The following SLC26A5 variants were observed in gnomAD, a reference collection of about 807,000 sequenced individuals.
The protein encoded by SLC26A5 is solute carrier family 26 member 5, also known as prestin.
SLC26A5 carries 51 observed loss-of-function variants against 81.0 expected under a neutral mutation model. The ratio of observed to expected loss-of-function variants is 0.63; its 90% CI spans 0.50 to 0.80. SLC26A5 has a LOEUF of 0.80. SLC26A5 is among the 30% of genes least tolerant of loss of function. The probability of loss-of-function intolerance (pLI) is 0.00; values close to 1 mark genes in which losing one functional copy is unlikely to be tolerated. For missense variants in SLC26A5, 771 were observed against 905.8 expected, an observed-to-expected ratio of 0.85 and a Z score of 1.91; for synonymous variants, 325 against 332.8, an observed-to-expected ratio of 0.98 and a Z score of 0.25.
At chr7:103,420,717 A>T (rs572986263) in intron 4 of SLC26A5, 21 bp downstream of exon 4, 3 of 1,613,336 alleles carry the variant, frequency 1.9e-6, no homozygotes, top group Non-Finnish European at 1.7e-6. Context: ...CAAGGGGGGA[A>T]AGAAAGAAAG....
chr7:103,387,973 T>C (rs968535190), intron 14 of SLC26A5, among the ~76,000 whole-genome samples: 1 of 152,120 alleles, frequency 6.6e-6, no homozygotes, highest in African/African-American at 2.4e-5. Flanking sequence ...AGAGTCACTG[T>C]GCCTGGCCAG....
intron 4 of SLC26A5, 139 bp from the exon 5 acceptor site, chr7:103,413,251 C>T: frequency 1.5e-6 from 1 of 688,944 alleles, no homozygotes. Flanking sequence ...CTACCCCAGT[C>T]CTGCACATCA....
chr7:103,370,607 C>A (rs529995684), downstream of SLC26A5, among the ~76,000 whole-genome samples: 1 of 152,302 alleles, frequency 6.6e-6, no homozygotes, highest in East Asian at 1.9e-4. Context: ...ACAAAATGAG[C>A]TATTCCAGGG....
chr7:103,390,428 C>G lies in SLC26A5; in HGVS notation c.1311+1G>C. On this transcript the variant is annotated splice_donor_variant, in intron 12 of 19. Transcript: ENST00000306312. LOFTEE classifies it high-confidence loss of function. ...TTCACCCAAGTCCACATTACACACA[C>G]CTGGGGCAATGATTCAAAGAGGAAT... The G allele has an allele frequency of 6.2e-7, 1 of 1,613,830 alleles. No individual in the cohort carries two copies. The highest frequency in any genetic ancestry group is 1.1e-5 in the South Asian group (1 of 91,074).
At chr7:103,380,426 A>T (rs891203676) in intron 15 of SLC26A5, 54 bp downstream of exon 15, 2 of 1,444,008 alleles carry the variant, frequency 1.4e-6, no homozygotes, top group Non-Finnish European at 2.0e-6. Flanking sequence ...AACAGTACTT[A>T]GCCAAGCACA....
At chr7:103,372,879 T>TAAA (rs5886252), downstream of SLC26A5, among the ~76,000 whole-genome samples, 529 of 142,564 alleles carry the variant, frequency 3.7e-3, 1 homozygote, top group African/African-American at 0.013. Context: ...AAGGGAAATC[T>TAAA]AAAAAAAAAA....
At chr7:103,381,047 CTCA>C (rs1048351166) in intron 14 of SLC26A5, among the ~76,000 whole-genome samples, 31 of 150,632 alleles carry the variant, frequency 2.1e-4, no homozygotes, top group Non-Finnish European at 1.2e-4. Context: ...ACATACATAC[CTCA>C]TATCACACAC....
At chr7:103,419,695 G>A (rs1473454862) in intron 4 of SLC26A5, among the ~76,000 whole-genome samples, 1 of 151,964 alleles carries the variant, frequency 6.6e-6, no homozygotes, top group Non-Finnish European at 1.5e-5. Flanking sequence ...ATGCCACCAT[G>A]CCTGGCTAAT....
intron 2 of SLC26A5, among the ~76,000 whole-genome samples, chr7:103,438,730 T>C (rs975946685): frequency 6.6e-6 from 1 of 152,194 alleles, no homozygotes; most frequent in South Asian, 2.1e-4. Context: ...CATTTCAGAC[T>C]ACTAGAAATA....
rs151325493 is a variant in SLC26A5, at chr7:103,421,542, C to T, written c.-28G>A. 5.8e-4 allele frequency: 933 copies of T among 1,612,456 alleles called. 2 individuals are homozygous for T. The highest frequency in any genetic ancestry group is 7.4e-4 in the Non-Finnish European group (868 of 1,179,158). On this transcript the variant is annotated 5_prime_UTR_variant, in exon 3 of 20. Transcript: ENST00000306312. ...TACTCTGAAATTATTCCTTAACAGC[C>T]GGAGACAAGCATTTCCTGAGTGTCA...
chr7:103,378,653 G>A, intron 16 of SLC26A5, 100 bp from the exon 17 acceptor site: 1 of 1,055,292 alleles, frequency 9.5e-7, no homozygotes, highest in Non-Finnish European at 1.5e-6. Flanking sequence ...TGCTTTCTGG[G>A]TCAGATTATC....
rs895370926 is a variant in SLC26A5 at position 103,446,143 on chromosome 7, CCGCTGCCTCTTCGACGCGCG to C, written c.-248_-229del. ...GGAGCCGCCCCGCCGCGCTCCACAG[CCGCTGCCTCTTCGACGCGCG>C]CGCTGCCTCCAGGTGCGGCTCTAGG... On this transcript the variant is annotated 5_prime_UTR_variant, in exon 1 of 20. Coordinates refer to ENST00000306312, the MANE Select transcript of SLC26A5 (RefSeq NM_198999.3). The C allele has an allele frequency of 6.6e-6, 1 of 151,408 alleles. No individual in the cohort carries two copies. Among genetic ancestry groups the C allele is most frequent in the African/African-American group, 2.4e-5 (1 of 41,334 alleles). The allele number at this position is 151,408 out of a possible 1,614,324, so 9.4% of individuals were successfully genotyped here. A position where few individuals can be genotyped will look rare whatever the true frequency, so the allele number is the denominator to read the frequency against.
At chr7:103,359,609 A>G (rs1820259646) in intron 19 of SLC26A5, among the ~76,000 whole-genome samples, 1 of 152,188 alleles carries the variant, frequency 6.6e-6, no homozygotes, top group Non-Finnish European at 1.5e-5. Context: ...TTCACTTAGC[A>G]TATTTCAAGG....
intron 7 of SLC26A5, 77 bp from the exon 8 acceptor site, chr7:103,408,080 T>C: frequency 1.3e-6 from 2 of 1,568,364 alleles, no homozygotes; most frequent in Non-Finnish European, 1.8e-6. Flanking sequence ...AGCGCACTAA[T>C]TCACACCAGC....
chr7:103,429,065 C>T (rs1825890714), intron 2 of SLC26A5, among the ~76,000 whole-genome samples: 1 of 152,122 alleles, frequency 6.6e-6, no homozygotes, highest in Non-Finnish European at 1.5e-5. Flanking sequence ...TAAATGTTTC[C>T]AGTGACAACA....
Position 103,397,920 on chromosome 7 carries a change from C to A in SLC26A5, c.971+12G>T. The A allele has an allele frequency of 6.2e-7, 1 of 1,606,384 alleles. No individual in the cohort carries two copies. Among genetic ancestry groups the A allele is most frequent in the Non-Finnish European group, 8.5e-7 (1 of 1,173,000 alleles). Reference sequence around the variant, plus strand: ...ATTTCAGTCACACAGTTACTTAAAACCACTTTCCTACCCTAGAGGAAGTGT... The same window carrying A: ...ATTTCAGTCACACAGTTACTTAAAAACACTTTCCTACCCTAGAGGAAGTGT... On this transcript the variant is annotated intron_variant, in intron 9 of 19. Coordinates refer to ENST00000306312, the MANE Select transcript of SLC26A5 (RefSeq NM_198999.3).
chr7:103,420,782 T>A lies in SLC26A5; in HGVS notation c.248A>T (p.Asp83Val). 2 of 1,614,186 alleles carry A rather than the reference T, an allele frequency of 1.2e-6. No individual in the cohort carries two copies. Reference protein sequence around the residue: ...AYKFKEYVLGDLVSGISTGVL... With the variant: ...AYKFKEYVLGVLVSGISTGVL... ...CCCTGTGCTTATGCCTGAGACCAAG[T>A]CACCCAACACATATTCCTTGAATTT... Residue 83 changes from aspartate (D) to valine (V), a missense_variant, in exon 4 of 20, where the codon GAC becomes GTC. Physicochemically the swap from Asp to Val is radical, Grantham distance 152. Transcript: ENST00000306312.
chr7:103,404,681 G>A (rs551868147), intron 8 of SLC26A5, among the ~76,000 whole-genome samples: 78 of 152,258 alleles, frequency 5.1e-4, no homozygotes, highest in African/African-American at 1.8e-3. Flanking sequence ...TTCTTGAGGA[G>A]TATCTTTGTG....
chr7:103,395,121 G>C (rs1333769151), intron 9 of SLC26A5, among the ~76,000 whole-genome samples: 1 of 152,080 alleles, frequency 6.6e-6, no homozygotes, highest in Non-Finnish European at 1.5e-5. Context: ...ACCCAACTGA[G>C]CCTAACCTAC....
Sources: gnomAD v4.1 joint callset for allele counts (sites outside exome capture counted in the v4.1 genomes callset) on GRCh38, gnomAD v4.1.1 for gene constraint, MANE v1.5 for transcripts, NCBI Gene and HGNC (gene_info 2026-07-23, HGNC 2026-07-21) for gene names.